The following IL17F variants were observed in gnomAD, a reference collection of about 807,000 sequenced individuals.
IL17F encodes the protein interleukin 17F.
Under a neutral mutation model 8.3 loss-of-function variants are expected in IL17F, and 6 were observed. That is an observed-to-expected ratio of 0.73 (90% confidence interval 0.40 to 1.43). IL17F has a LOEUF of 1.43. Among genes scored for constraint, IL17F ranks in the 40% most tolerant of loss-of-function variants. The pLI is 0.02. For missense variants in IL17F, 204 were observed against 209.6 expected (o/e 0.97, Z 0.17); for synonymous variants, 98 against 81.6 (o/e 1.20, Z -1.08).
upstream of IL17F, among the ~76,000 whole-genome samples, chr6:52,245,003 G>T (rs1210124716): frequency 6.6e-6 from 1 of 152,124 alleles, no homozygotes; most frequent in Non-Finnish European, 1.5e-5. Flanking sequence ...GATATACCCT[G>T]GTAGTTTTGT....
chr6:52,238,988 G>C, intron 1 of IL17F, 38 bp from the exon 2 acceptor site: 1 of 1,556,594 alleles, frequency 6.4e-7, no homozygotes. Context: ...TTAGAGACTC[G>C]CCTCACCTAC....
intron 1 of IL17F, among the ~76,000 whole-genome samples, chr6:52,242,282 C>G (rs1764088223): frequency 6.6e-6 from 1 of 152,162 alleles, no homozygotes; most frequent in African/African-American, 2.4e-5. Context: ...AGCTTTGCAC[C>G]TCACTCTAAT....
Position 52,237,092 on chromosome 6 carries a change from G to A in IL17F, c.331C>T (p.Gln111Ter). The A allele has an allele frequency of 6.2e-7, 1 of 1,614,192 alleles. No individual in the cohort carries two copies. The highest frequency in any genetic ancestry group is 8.5e-7 in the Non-Finnish European group (1 of 1,180,038). ...QCRNLGCINA[Q>*]GKEDISMNSV... ...TTCATGGAGATGTCTTCCTTTCCTT[G>A]AGCATTGATGCAGCCCAAGTTCCTA... Residue 111 changes from glutamine to a stop codon, truncating the protein, a stop_gained, in exon 3 of 3, where the codon CAA (glutamine) becomes TAA (stop). Transcript: ENST00000336123. LOFTEE classifies it high-confidence loss of function.
In IL17F at chr6:52,236,836, G is replaced by A. The variant is rs540405695; in HGVS notation, c.*95C>T. 12 of 924,314 alleles carry A rather than the reference G, an allele frequency of 1.3e-5. No individual in the cohort carries two copies. The South Asian group carries it at 1.4e-4, about 11-fold the overall frequency. The allele number at this position is 924,314 out of a possible 1,614,324, so 57.3% of individuals were successfully genotyped here. A position where few individuals can be genotyped will look rare whatever the true frequency, so the allele number is the denominator to read the frequency against. ...CAGGTCTTATTAAGAGTCCTGTGAA[G>A]TGGAGGGAATTGGGGGTCAGACAGG... On this transcript the variant is annotated 3_prime_UTR_variant, in exon 3 of 3. Coordinates refer to ENST00000336123, the MANE Select transcript of IL17F (RefSeq NM_052872.4).
chr6:52,244,639 G>C, upstream of IL17F: 1 of 586,558 alleles, frequency 1.7e-6, no homozygotes, highest in Admixed American at 3.1e-5. Flanking sequence ...TTCCCGAAGG[G>C]GAACAAAAGG....
In IL17F at chr6:52,237,062, C is replaced by T. The variant is rs550486674; in HGVS notation, c.361G>A (p.Val121Ile). 34 of 1,614,208 alleles carry T rather than the reference C, an allele frequency of 2.1e-5. No individual in the cohort carries two copies. The highest frequency in any genetic ancestry group is 2.0e-4 in the East Asian group (9 of 44,892). ...ACCAGGGTCTCTTGCTGGATGGGAA[C>T]GGAATTCATGGAGATGTCTTCCTTT... is the stretch of plus-strand genomic sequence containing the variant. Reference protein sequence around the residue: ...QGKEDISMNSVPIQQETLVVR... With the variant: ...QGKEDISMNSIPIQQETLVVR... Residue 121 changes from valine to isoleucine, a missense_variant, in exon 3 of 3, where the codon GTT becomes ATT. Physicochemically the swap from Val to Ile is conservative, Grantham distance 29. Transcript: ENST00000336123.
At position 52,237,024 on chromosome 6, in the gene IL17F, C is replaced by T. The variant is rs1344874505; in HGVS notation, c.399G>A (p.Lys133=). Residue 133 remains lysine, a synonymous_variant, in exon 3 of 3, where the codon AAG becomes AAA. Transcript: ENST00000336123. ...GGAAAGAAACAGAGCAGCCTTGGTG[C>T]TTCCTCCGGACGACCAGGGTCTCTT... The part of the protein sequence containing the change: ...IQQETLVVRR[K]HQGCSVSFQL... 2 of 1,614,250 alleles carry T rather than the reference C, an allele frequency of 1.2e-6. No homozygotes were observed. Among genetic ancestry groups the T allele is most frequent in the Admixed American group, 3.3e-5 (2 of 60,038 alleles).
intron 2 of IL17F, among the ~76,000 whole-genome samples, chr6:52,237,910 A>T (rs141025041): frequency 3.3e-5 from 5 of 152,244 alleles, no homozygotes; most frequent in Admixed American, 3.3e-4. Flanking sequence ...GGACACACAC[A>T]GTAGGCAAAG....
chr6:52,240,626 A>G (rs1226723985), intron 1 of IL17F, among the ~76,000 whole-genome samples: 1 of 152,132 alleles, frequency 6.6e-6, no homozygotes, highest in Non-Finnish European at 1.5e-5. Flanking sequence ...CAAAAAGGTC[A>G]TAGTGTCCAT....
Position 52,238,845 on chromosome 6 carries a change from A to C in IL17F, c.139T>G (p.Cys47Gly). The C allele has an allele frequency of 6.2e-7, 1 of 1,614,068 alleles. No homozygotes were observed. ...ATACTACCTCCTGGCACAGGCGGGC[A>C]ACTCTCAGGCTTTTGGAAAAAAGTA... Reference protein sequence around the residue: ...GHTFFQKPESCPPVPGGSMKL... With the variant: ...GHTFFQKPESGPPVPGGSMKL... The change falls in exon 2 of 3, where the codon TGC becomes GGC. Residue 47 changes from cysteine (C) to glycine (G), a missense_variant. Cys to Gly is a radical substitution (Grantham distance 159). Coordinates refer to ENST00000336123, the MANE Select transcript of IL17F (RefSeq NM_052872.4).
rs58639265 is a variant in IL17F at position 52,241,065 on chromosome 6, CGTTTGTTT to C, written c.34-2123_34-2116del. On this transcript the variant is annotated intron_variant, in intron 1 of 2. Transcript: ENST00000336123. Reference sequence around the variant, plus strand: ...ACCTTGTCTTGACAAACTGCTATGGCGTTTGTTTGTTTGTTTGTTTGTTTGTTTGTTTT... The same window carrying C: ...ACCTTGTCTTGACAAACTGCTATGGCGTTTGTTTGTTTGTTTGTTTGTTTT... Among the ~76,000 whole-genome samples, 793 of 149,982 alleles carry C rather than the reference CGTTTGTTT, an allele frequency of 5.3e-3. 7 individuals are homozygous for C. Among genetic ancestry groups the C allele is most frequent in the African/African-American group, 0.012 (505 of 40,512 alleles).
intron 1 of IL17F, among the ~76,000 whole-genome samples, chr6:52,239,827 C>A (rs1425750977): frequency 6.6e-6 from 1 of 152,122 alleles, no homozygotes; most frequent in Non-Finnish European, 1.5e-5. Context: ...TTACGCAAAA[C>A]CAACGATAGC....
Position 52,236,967 on chromosome 6 carries a change from G to T in IL17F, c.456C>A (p.Cys152Ter). ...QLEKVLVTVG[C>*]TCVTPVIHHV... ...GGTGGATGACAGGGGTGACGCAGGT[G>T]CAGCCAACAGTCACCAGCACCTTCT... Residue 152 changes from cysteine (C) to a stop codon, truncating the protein, a stop_gained, in exon 3 of 3, where the codon TGC becomes TGA. Coordinates refer to ENST00000336123, the MANE Select transcript of IL17F (RefSeq NM_052872.4). LOFTEE classifies it high-confidence loss of function. 1.2e-6 allele frequency: 2 copies of T among 1,614,146 alleles called. No individual in the cohort carries two copies. Among genetic ancestry groups the T allele is most frequent in the Non-Finnish European group, 1.7e-6 (2 of 1,179,968 alleles).
At chr6:52,242,460 A>G (rs1403601033) in intron 1 of IL17F, among the ~76,000 whole-genome samples, 1 of 152,170 alleles carries the variant, frequency 6.6e-6, no homozygotes, top group Non-Finnish European at 1.5e-5. Context: ...TCCTATTCCA[A>G]TGCTCCTTGC....
chr6:52,244,087 G>GT (rs1193708651), intron 1 of IL17F, among the ~76,000 whole-genome samples: 1 of 151,768 alleles, frequency 6.6e-6, no homozygotes, highest in African/African-American at 2.4e-5. Context: ...TAGAGACCGG[G>GT]TTTCGCTATG....
At chr6:52,245,053 A>G (rs1764139785), upstream of IL17F, among the ~76,000 whole-genome samples, 1 of 152,092 alleles carries the variant, frequency 6.6e-6, no homozygotes, top group African/African-American at 2.4e-5. Context: ...CCATGGTTAG[A>G]CTCCTACTGG....
upstream of IL17F, chr6:52,244,621 T>C (rs1398133286): frequency 1.2e-5 from 7 of 593,354 alleles, no homozygotes; most frequent in South Asian, 2.0e-5. Context: ...TTTTTTTTTT[T>C]ATTCCATTTC....
chr6:52,240,133 A>G (rs1466030367), intron 1 of IL17F, among the ~76,000 whole-genome samples: 2 of 152,164 alleles, frequency 1.3e-5, no homozygotes, highest in Admixed American at 6.5e-5. Context: ...AACTCTCAAC[A>G]TAATACAGAA....
chr6:52,237,195 A>C, intron 2 of IL17F, 27 bp from the exon 3 acceptor site: 1 of 1,536,708 alleles, frequency 6.5e-7, no homozygotes, highest in Non-Finnish European at 9.0e-7. Context: ...CCAAAGCACA[A>C]TGGTGAGGCA....
Sources: gnomAD v4.1 joint callset for allele counts (sites outside exome capture counted in the v4.1 genomes callset) on GRCh38, gnomAD v4.1.1 for gene constraint, MANE v1.5 for transcripts, NCBI Gene and HGNC (gene_info 2026-07-23, HGNC 2026-07-21) for gene names.